CST2: variants seen among roughly 807,000 people sequenced by gnomAD.
The protein encoded by CST2 is cystatin-SA.
In CST2, 26 loss-of-function variants were observed where a neutral mutation model predicts 13.4. That is an observed-to-expected ratio of 1.95 (90% CI 1.43 to 2.70). The LOEUF is 2.70. Among genes scored for constraint, CST2 ranks in the 30% most tolerant of loss-of-function variants. CST2 has a pLI of 0.00. For missense variants in CST2, 243 were observed against 173.4 expected (o/e 1.40, Z -2.25); for synonymous variants, 105 against 71.1 (o/e 1.48, Z -2.40).
At chr20:23,826,136 C>T (rs758818288) in intron 1 of CST2, among the ~76,000 whole-genome samples, 138 of 152,290 alleles carry the variant, frequency 9.1e-4, no homozygotes, top group Non-Finnish European at 1.5e-3. Context: ...TAGGGCTCTG[C>T]AGAACAGGAA....
intron 1 of CST2, 116 bp downstream of exon 1, chr20:23,826,317 T>G (rs1984834824): frequency 3.5e-6 from 3 of 849,118 alleles, no homozygotes; most frequent in Non-Finnish European, 5.6e-6. Flanking sequence ...GAAAGCTGAA[T>G]GAATCTGAGC....
intron 1 of CST2, among the ~76,000 whole-genome samples, chr20:23,825,895 G>A (rs1984819094): frequency 6.6e-6 from 1 of 152,176 alleles, no homozygotes; most frequent in Admixed American, 6.5e-5. Context: ...GGGCCCAATA[G>A]CCCTTCTGAA....
At chr20:23,825,570 A>G (rs1984807700) in intron 1 of CST2, among the ~76,000 whole-genome samples, 1 of 152,212 alleles carries the variant, frequency 6.6e-6, no homozygotes, top group Non-Finnish European at 1.5e-5. Flanking sequence ...CCTGTGGCTC[A>G]GGGGCAAGGG....
At position 23,825,250 on chromosome 20, in the gene CST2, A is replaced by T; in HGVS notation, c.302T>A (p.Leu101Ter). 1 of 1,614,082 alleles carries T rather than the reference A, an allele frequency of 6.2e-7. No homozygotes were observed. Among genetic ancestry groups the T allele is most frequent in the Non-Finnish European group, 8.5e-7 (1 of 1,180,000 alleles). Residue 101 changes from leucine (L) to a stop codon, truncating the protein, a stop_gained, in exon 2 of 3, where the codon TTG (leucine) becomes TAG (stop). Transcript: ENST00000304725. LOFTEE classifies it high-confidence loss of function. ...RTICTKSQPN[L>*]DTCAFHEQPE... is the part of the protein sequence containing the mutation. ...CTGTTCATGGAAGGCACAGGTGTCC[A>T]AGTTGGGCTGGGACTTGGTACATAT...
intron 2 of CST2, 85 bp downstream of exon 2, chr20:23,825,125 C>G (rs1275907365): frequency 8.3e-6 from 13 of 1,566,084 alleles, no homozygotes; most frequent in East Asian, 4.5e-5. Context: ...CACACACACC[C>G]TCCAAACATG....
rs368501503 is a variant in CST2 at position 23,824,011 on chromosome 20, C to T, written c.*9G>A. On this transcript the variant is annotated 3_prime_UTR_variant, in exon 3 of 3. Coordinates refer to ENST00000304725, the MANE Select transcript of CST2 (RefSeq NM_001322.3). ...GGAGGTGGTCAGTGTGACTCCCTGG[C>T]ACAGATCCCTAGGCTTCTTGACACC... The T allele has an allele frequency of 3.7e-5, 60 of 1,613,816 alleles. No individual in the cohort carries two copies. The African/African-American group carries it at 4.3e-4, about 11-fold the overall frequency.
chr20:23,824,506 C>T (rs1568780015), intron 2 of CST2, among the ~76,000 whole-genome samples: 1 of 152,142 alleles, frequency 6.6e-6, no homozygotes, highest in Non-Finnish European at 1.5e-5. Flanking sequence ...AACTCCGCCT[C>T]AAAGAGCTGG....
chr20:23,824,692 G>T (rs1420468489), intron 2 of CST2, among the ~76,000 whole-genome samples: 3 of 152,108 alleles, frequency 2.0e-5, no homozygotes, highest in Middle Eastern at 3.4e-3. Context: ...CTGCATGCAG[G>T]TACCTGAGGC....
At position 23,823,770 on chromosome 20, in the gene CST2, G is replaced by A; in HGVS notation, c.*250C>T. ...CAGACAGCCAAGAACTCAGAGGGAG[G>A]TGATGCTACTGTTTAATTGCAGGAG... On this transcript the variant is annotated 3_prime_UTR_variant, in exon 3 of 3. Coordinates refer to ENST00000304725, the MANE Select transcript of CST2 (RefSeq NM_001322.3). 1 of 523,370 alleles carries A rather than the reference G, an allele frequency of 1.9e-6. No individual in the cohort carries two copies. Among genetic ancestry groups the A allele is most frequent in the East Asian group, 3.1e-5 (1 of 32,234 alleles). 32.4% of individuals were successfully genotyped at this position (523,370 alleles called of 1,614,324 possible).
Position 23,823,879 on chromosome 20 carries a change from C to T in CST2, c.*141G>A. 2.4e-6 allele frequency: 2 copies of T among 832,894 alleles called. No individual in the cohort carries two copies. Among genetic ancestry groups the T allele is most frequent in the Non-Finnish European group, 3.8e-6 (2 of 522,224 alleles). The allele number at this position is 832,894 out of a possible 1,614,324, so 51.6% of individuals were successfully genotyped here. On this transcript the variant is annotated 3_prime_UTR_variant, in exon 3 of 3. Transcript: ENST00000304725. ...AGAGTCCCCTGCTGAGCAACAAAGGCCTCCTGCAGCCTTCTCTGTCTTCTC... is the reference window on the plus strand; with the variant it reads ...AGAGTCCCCTGCTGAGCAACAAAGGTCTCCTGCAGCCTTCTCTGTCTTCTC...
intron 1 of CST2, among the ~76,000 whole-genome samples, chr20:23,825,631 G>A (rs780319576): frequency 6.6e-6 from 1 of 152,208 alleles, no homozygotes; most frequent in African/African-American, 2.4e-5. Flanking sequence ...GTATAAAATA[G>A]GCGTCCGGGC....
chr20:23,824,124 G>A (rs555902140), intron 2 of CST2, 21 bp from the exon 3 acceptor site: 2 of 1,611,972 alleles, frequency 1.2e-6, no homozygotes, highest in Admixed American at 1.7e-5. Flanking sequence ...GAAGAGAGAG[G>A]GCCAATCAGT....
rs778720382 is a variant in CST2 at position 23,826,582 on chromosome 20, C to A, written c.79G>T (p.Asp27Tyr). 2 of 1,613,822 alleles carry A rather than the reference C, an allele frequency of 1.2e-6. No individual in the cohort carries two copies. Among genetic ancestry groups the A allele is most frequent in the Non-Finnish European group, 1.7e-6 (2 of 1,179,992 alleles). The change falls in exon 1 of 3, where the codon GAC (aspartate) becomes TAC (tyrosine). Residue 27 changes from aspartate to tyrosine, a missense_variant. Physicochemically the swap from Asp to Tyr is radical, Grantham distance 160. Coordinates refer to ENST00000304725, the MANE Select transcript of CST2 (RefSeq NM_001322.3). ...TAGATGCCACCCTCGATTATCCTGT[C>A]CTCCTCCTGGGGGCTCCAGGCCAGG... Reference protein sequence around the residue: ...VALAWSPQEEDRIIEGGIYDA... With the variant: ...VALAWSPQEEYRIIEGGIYDA...
At chr20:23,825,638 G>A (rs111788235) in intron 1 of CST2, among the ~76,000 whole-genome samples, 257 of 152,302 alleles carry the variant, frequency 1.7e-3, no homozygotes, top group African/African-American at 5.7e-3. Context: ...ATAGGCGTCC[G>A]GGCCTGATGG....
Position 23,825,159 on chromosome 20 carries a change from C to T in CST2, c.342+51G>A, listed in dbSNP as rs138605427. 3.8e-3 allele frequency: 6,171 copies of T among 1,603,556 alleles called. 28 individuals are homozygous for T. The highest frequency in any genetic ancestry group is 6.3e-3 in the Middle Eastern group (38 of 6,032). On this transcript the variant is annotated intron_variant, in intron 2 of 2. Transcript: ENST00000304725. ...TGTGTAGGGCAGAGACTGACACATA[C>T]GCACCCCTCTGCAGTGCATGACTGG...
Position 23,823,947 on chromosome 20 carries a change from A to G in CST2, c.*73T>C. The G allele has an allele frequency of 6.5e-7, 1 of 1,538,626 alleles. No homozygotes were observed. The highest frequency in any genetic ancestry group is 9.0e-7 in the Non-Finnish European group (1 of 1,115,758). Reference sequence around the variant, plus strand: ...GGAGACCTCCCACAGGGTGGGGGCCACCAGTCCAGGGGTGGGAGCACTACA... The same window carrying G: ...GGAGACCTCCCACAGGGTGGGGGCCGCCAGTCCAGGGGTGGGAGCACTACA... On this transcript the variant is annotated 3_prime_UTR_variant, in exon 3 of 3. Transcript: ENST00000304725.
At chr20:23,825,589 C>T (rs1017317794) in intron 1 of CST2, among the ~76,000 whole-genome samples, 2 of 152,222 alleles carry the variant, frequency 1.3e-5, no homozygotes, top group Admixed American at 6.5e-5. Flanking sequence ...GGAACACTGA[C>T]TCTTTTTACC....
At chr20:23,825,022 C>T (rs565413032) in intron 2 of CST2, among the ~76,000 whole-genome samples, 188 bp downstream of exon 2, 1 of 152,096 alleles carries the variant, frequency 6.6e-6, no homozygotes, top group Non-Finnish European at 1.5e-5. Context: ...ACACATGCAC[C>T]TTTCCACATG....
Position 23,826,628 on chromosome 20 carries a change from C to T in CST2, c.33G>A (p.Leu11=). The T allele has an allele frequency of 1.2e-6, 2 of 1,610,552 alleles. No homozygotes were observed. The highest frequency in any genetic ancestry group is 8.5e-7 in the Non-Finnish European group (1 of 1,178,812). Reference sequence around the variant, plus strand: ...CCAGGGCCACAGCCTGGGTGGCCAGCAGGAGCAGCAGGGTGCACAGGGGCC... The same window carrying T: ...CCAGGGCCACAGCCTGGGTGGCCAGTAGGAGCAGCAGGGTGCACAGGGGCC... The part of the protein sequence containing the change: MAWPLCTLLL[L]LATQAVALAW... Residue 11 remains leucine, a synonymous_variant, in exon 1 of 3, where the codon CTG becomes CTA. Transcript: ENST00000304725.
Sources: allele counts gnomAD v4.1 joint callset (sites outside exome capture counted in the v4.1 genomes callset), GRCh38; gene constraint gnomAD v4.1.1; transcripts MANE v1.5; gene names NCBI Gene and HGNC (gene_info 2026-07-23, HGNC 2026-07-21).